PLCL2: variants seen among roughly 807,000 people sequenced by gnomAD.
The protein encoded by PLCL2 is phospholipase C like 2, also known as inactive phospholipase C-like protein 2.
Under a neutral mutation model 79.6 loss-of-function variants are expected in PLCL2, and 4 were observed. That is an observed-to-expected ratio of 0.05 (90% CI 0.02 to 0.11). The LOEUF is 0.11. Ranked by LOEUF, PLCL2 falls within the 10% of genes least tolerant of loss-of-function variation. The pLI, the probability that PLCL2 is intolerant of heterozygous loss-of-function variation, is 1.00. For synonymous variants in PLCL2, 484 were observed against 457.7 expected (o/e 1.06, Z -0.73); for missense variants, 895 against 1,291.0 (o/e 0.69, Z 4.70).
chr3:16,891,359 G>A (rs887034536), intron 1 of PLCL2, among the ~76,000 whole-genome samples: 15 of 152,328 alleles, frequency 9.8e-5, no homozygotes, highest in African/African-American at 2.9e-4. Context: ...CACCTAATAA[G>A]CATTAGTGTG....
intron 1 of PLCL2, among the ~76,000 whole-genome samples, chr3:16,979,361 A>ATTGG (rs777820453): frequency 2.0e-4 from 1 of 4,908 alleles, no homozygotes; most frequent in Admixed American, 2.0e-3. Flanking sequence ...TTTTTTTTTA[A>ATTGG]TCATTCTTGG....
rs2124886795 is a variant in PLCL2, at chr3:17,009,902, A to G, written c.556A>G (p.Ile186Val). 1 of 1,613,218 alleles carries G rather than the reference A, an allele frequency of 6.2e-7. No individual in the cohort carries two copies. The highest frequency in any genetic ancestry group is 1.1e-5 in the South Asian group (1 of 91,080). The change falls in exon 2 of 6, where the codon ATT becomes GTT. Residue 186 changes from isoleucine (I) to valine (V), a missense_variant. Coordinates refer to ENST00000615277, the MANE Select transcript of PLCL2 (RefSeq NM_001144382.2). This position sits in a 1 kb window ranked among gnomAD's most constrained non-coding sequence, Gnocchi z 4.0. ...TAAGAAGGATTCTGAGAAAGCCAAGATTGACATTAAATCCATCAAGGAAGT... is the reference window on the plus strand; with the variant it reads ...TAAGAAGGATTCTGAGAAAGCCAAGGTTGACATTAAATCCATCAAGGAAGT... ...PSKKDSEKAK[I>V]DIKSIKEVRT...
chr3:16,919,003 A>C lies in PLCL2; in HGVS notation c.327+33637A>C, dbSNP rs145488020. On this transcript the variant is annotated intron_variant, in intron 1 of 5. Coordinates refer to ENST00000615277, the MANE Select transcript of PLCL2 (RefSeq NM_001144382.2). Reference sequence around the variant, plus strand: ...CTCTGGATTAAATAAATTATTTAAAAATATATGGACATCATTCTTAAACTT... The same window carrying C: ...CTCTGGATTAAATAAATTATTTAAACATATATGGACATCATTCTTAAACTT... Among the ~76,000 whole-genome samples, 795 of 152,292 alleles carry C rather than the reference A, an allele frequency of 5.2e-3. 7 individuals are homozygous for C. The highest frequency in any genetic ancestry group is 0.018 in the African/African-American group (741 of 41,566).
At chr3:17,012,267 T>A (rs1198446480) in intron 2 of PLCL2, 107 bp downstream of exon 2, 2 of 978,310 alleles carry the variant, frequency 2.0e-6, no homozygotes, top group African/African-American at 1.6e-5. Flanking sequence ...AAGTAGTTTT[T>A]AAATTCTGAT....
chr3:17,047,791 G>A (rs1443342646), intron 4 of PLCL2, among the ~76,000 whole-genome samples: 1 of 152,132 alleles, frequency 6.6e-6, no homozygotes, highest in Non-Finnish European at 1.5e-5. Context: ...ACAGCAGCCT[G>A]CCTGCTGTGA....
chr3:17,015,306 A>C (rs1356758457), intron 3 of PLCL2, among the ~76,000 whole-genome samples: 1 of 152,156 alleles, frequency 6.6e-6, no homozygotes, highest in Non-Finnish European at 1.5e-5. Context: ...TTTAACTTAA[A>C]AATGTAATGC....
chr3:16,940,246 A>T (rs1697646921), intron 1 of PLCL2, among the ~76,000 whole-genome samples: 2 of 152,094 alleles, frequency 1.3e-5, no homozygotes, highest in Non-Finnish European at 2.9e-5. Flanking sequence ...CACTAGAATG[A>T]CTTTCCTTGC....
chr3:17,027,762 C>T (rs1468951076), intron 3 of PLCL2, among the ~76,000 whole-genome samples: 1 of 152,064 alleles, frequency 6.6e-6, no homozygotes, highest in Non-Finnish European at 1.5e-5. Flanking sequence ...TTATCGTTGC[C>T]TGAGCACTCC....
At chr3:17,031,214 T>C (rs1202324197) in intron 3 of PLCL2, among the ~76,000 whole-genome samples, 1 of 152,170 alleles carries the variant, frequency 6.6e-6, no homozygotes, top group African/African-American at 2.4e-5. Flanking sequence ...ATTCAGGATG[T>C]AGCGTCTGAA....
chr3:17,056,697 C>T (rs912775305), intron 4 of PLCL2, among the ~76,000 whole-genome samples: 1 of 152,006 alleles, frequency 6.6e-6, no homozygotes, highest in Non-Finnish European at 1.5e-5. Flanking sequence ...TGTTTCATGA[C>T]AAGTTATTAT....
chr3:16,949,248 T>C (rs2063628641), intron 1 of PLCL2, among the ~76,000 whole-genome samples: 1 of 152,172 alleles, frequency 6.6e-6, no homozygotes, highest in Non-Finnish European at 1.5e-5. Flanking sequence ...TCTACTTCGA[T>C]ACTGCCAGGT....
At chr3:16,969,117 T>C (rs1358700613) in intron 1 of PLCL2, among the ~76,000 whole-genome samples, 1 of 152,220 alleles carries the variant, frequency 6.6e-6, no homozygotes, top group Non-Finnish European at 1.5e-5. Flanking sequence ...GGATTAGCTT[T>C]TTGATGTGTT....
At chr3:16,930,325 A>G (rs1575534969) in intron 1 of PLCL2, among the ~76,000 whole-genome samples, 3 of 152,358 alleles carry the variant, frequency 2.0e-5, no homozygotes, top group African/African-American at 4.8e-5. Context: ...TTCCAAGTTC[A>G]TAAATACTTG....
intron 1 of PLCL2, among the ~76,000 whole-genome samples, chr3:16,927,844 A>G (rs959744974): frequency 7.2e-5 from 11 of 152,254 alleles, no homozygotes. Context: ...TCTGTTGTCA[A>G]ATAAGTTTGG....
Position 16,926,924 on chromosome 3 carries a change from C to T in PLCL2, c.327+41558C>T, listed in dbSNP as rs184704023. 3.0e-4 allele frequency among the ~76,000 whole-genome samples: 45 copies of T among 152,050 alleles called. No homozygotes were observed. In the East Asian group the frequency reaches 7.9e-3, roughly 27 times the overall value. ...GATTACAGATGTAAGCCACCGCGCC[C>T]GGCCACATTTTTTTTTAAGGCTAAG... On this transcript the variant is annotated intron_variant, in intron 1 of 5. Coordinates refer to ENST00000615277, the MANE Select transcript of PLCL2 (RefSeq NM_001144382.2).
At chr3:16,927,480 G>A (rs1697283611) in intron 1 of PLCL2, among the ~76,000 whole-genome samples, 1 of 152,182 alleles carries the variant, frequency 6.6e-6, no homozygotes, top group African/African-American at 2.4e-5. Flanking sequence ...TGTTCTAAAT[G>A]AGATGTCCCA....
At chr3:17,072,671 A>T (rs1248213532) in intron 5 of PLCL2, among the ~76,000 whole-genome samples, 1 of 108,114 alleles carries the variant, frequency 9.2e-6, no homozygotes, top group Non-Finnish European at 1.8e-5. Flanking sequence ...TGTCTCAAAG[A>T]AAAAAAAAAA....
At chr3:16,960,911 TATTA>T (rs1176337272) in intron 1 of PLCL2, among the ~76,000 whole-genome samples, 2 of 152,244 alleles carry the variant, frequency 1.3e-5, no homozygotes, top group East Asian at 1.9e-4. Flanking sequence ...ACTTCATGGT[TATTA>T]ATTGTTATCA....
chr3:16,924,965 C>G (rs1290341687), intron 1 of PLCL2, among the ~76,000 whole-genome samples: 1 of 151,664 alleles, frequency 6.6e-6, no homozygotes, highest in Non-Finnish European at 1.5e-5. Flanking sequence ...GCTCTGTCAC[C>G]CAGGCTGGAG....
Sources: allele counts gnomAD v4.1 joint callset (sites outside exome capture counted in the v4.1 genomes callset), GRCh38; gene constraint gnomAD v4.1.1; non-coding constraint Gnocchi (gnomAD v3.1); transcripts MANE v1.5; gene names NCBI Gene and HGNC (gene_info 2026-07-23, HGNC 2026-07-21).